Variants in ACTN1 observed in about 807,000 individuals in gnomAD.
ACTN1 encodes alpha-actinin-1.
ACTN1 carries 30 observed loss-of-function variants against 119.6 expected under a neutral mutation model. That is an observed-to-expected ratio of 0.25 (90% CI 0.19 to 0.34). The LOEUF (loss-of-function observed/expected upper bound fraction) is 0.34. ACTN1 is among the 10% of genes least tolerant of loss of function. ACTN1 has a pLI of 1.00. For synonymous variants in ACTN1, 429 were observed against 472.6 expected, an observed-to-expected ratio of 0.91 and a Z score of 1.20; for missense variants, 764 against 1,223.4, an observed-to-expected ratio of 0.62 and a Z score of 5.60.
chr14:68,959,437 T>C (rs893864674), intron 1 of ACTN1, among the ~76,000 whole-genome samples: 1 of 152,236 alleles, frequency 6.6e-6, no homozygotes, highest in African/African-American at 2.4e-5. Context: ...ACTCAGCTTT[T>C]AGTGCTTACA....
intron 1 of ACTN1, among the ~76,000 whole-genome samples, chr14:68,954,049 T>C (rs1468108667): frequency 6.6e-6 from 1 of 152,238 alleles, no homozygotes; most frequent in Non-Finnish European, 1.5e-5. Flanking sequence ...TTACATATTA[T>C]CTTCCTTATT....
intron 11 of ACTN1, among the ~76,000 whole-genome samples, chr14:68,889,752 C>A (rs564527165): frequency 6.6e-6 from 1 of 152,142 alleles, no homozygotes; most frequent in African/African-American, 2.4e-5. Flanking sequence ...CCATTGCATT[C>A]GATCCTGGCA....
intron 1 of ACTN1, among the ~76,000 whole-genome samples, chr14:68,938,731 T>C (rs11851526): frequency 0.02 from 2,984 of 152,296 alleles, 97 homozygotes; most frequent in African/African-American, 0.068. Flanking sequence ...GCCAGCAAGA[T>C]ACCCTGGACA....
In ACTN1 at chr14:68,890,238, C is replaced by T. The variant is rs1391162669; in HGVS notation, c.1135G>A (p.Glu379Lys). 6.2e-7 allele frequency: 1 copy of T among 1,614,230 alleles called. No homozygotes were observed. Among genetic ancestry groups the T allele is most frequent in the African/African-American group, 1.3e-5 (1 of 75,064 alleles). The stretch of plus-strand genomic sequence containing the variant: ...CGGATCTCATTCAGCAACCACTCCT[C>T]ATAGCCCTTCTCCACCTGCTCCAGG... ...GCLEQVEKGY[E>K]EWLLNEIRRL... The change falls in exon 11 of 22, where the codon GAG (glutamate) becomes AAG (lysine). Residue 379 changes from glutamate (E) to lysine (K), a missense_variant. Coordinates refer to ENST00000394419, the MANE Select transcript of ACTN1 (RefSeq NM_001130004.2).
chr14:68,881,955 T>TTTTTTTTTTTTTTGA (rs58500225), intron 16 of ACTN1, among the ~76,000 whole-genome samples: 1,499 of 102,808 alleles, frequency 0.015, 167 homozygotes, highest in African/African-American at 0.022. Context: ...TTTTTTTTTT[T>TTTTTTTTTTTTTTGA]GACAGAGTCT....
At chr14:68,875,350 T>C (rs1219297487) in intron 21 of ACTN1, among the ~76,000 whole-genome samples, 2 of 152,244 alleles carry the variant, frequency 1.3e-5, no homozygotes, top group East Asian at 3.8e-4. Context: ...TATCAGCAGA[T>C]ACTCTGGTGG....
In ACTN1 at chr14:68,909,693, T is replaced by C. The variant is rs576716008; in HGVS notation, c.515+262A>G. The stretch of plus-strand genomic sequence containing the variant: ...TCCAGAGCCCTGGGCTGGGACTTCC[T>C]GGACAATTTCCTTGGGGGCGCTCCC... On this transcript the variant is annotated intron_variant, in intron 5 of 21. Transcript: ENST00000394419. The surrounding 1 kb of genome is among the most constrained non-coding windows in gnomAD (Gnocchi z 4.1). Among the ~76,000 whole-genome samples the C allele has an allele frequency of 5.9e-5, 9 of 152,304 alleles. No individual in the cohort carries two copies. The East Asian group carries it at 1.7e-3, about 29-fold the overall frequency.
intron 1 of ACTN1, among the ~76,000 whole-genome samples, chr14:68,937,854 G>A (rs959633211): frequency 6.6e-6 from 1 of 152,210 alleles, no homozygotes; most frequent in African/African-American, 2.4e-5. Flanking sequence ...TGTGTGGGCG[G>A]GGTGTGTGAA....
chr14:68,892,387 GTC>G, intron 9 of ACTN1, 104 bp from the exon 10 acceptor site: 1 of 1,208,608 alleles, frequency 8.3e-7, no homozygotes, highest in Non-Finnish European at 1.2e-6. Flanking sequence ...TGGGGAAGGG[GTC>G]TCTCCTAATA....
chr14:68,876,719 G>A (rs924289440), intron 21 of ACTN1, among the ~76,000 whole-genome samples: 2 of 152,136 alleles, frequency 1.3e-5, no homozygotes, highest in East Asian at 1.9e-4. Context: ...ATTATAGTCC[G>A]TGCCGATGCG....
At chr14:68,952,900 G>A (rs928333107) in intron 1 of ACTN1, among the ~76,000 whole-genome samples, 3 of 152,114 alleles carry the variant, frequency 2.0e-5, no homozygotes, top group East Asian at 3.9e-4. Context: ...AGCAGGGCAC[G>A]GGCAGATTTG....
chr14:68,888,188 A>G, intron 11 of ACTN1: 2 of 469,670 alleles, frequency 4.3e-6, no homozygotes, highest in Non-Finnish European at 7.9e-6. Flanking sequence ...CACGCCCAGG[A>G]TAGATTCTTT....
intron 1 of ACTN1, among the ~76,000 whole-genome samples, chr14:68,928,685 A>G (rs2035051425): frequency 6.6e-6 from 1 of 152,208 alleles, no homozygotes; most frequent in African/African-American, 2.4e-5. Flanking sequence ...CTTGCCATTT[A>G]GTAAGTGCTC....
intron 2 of ACTN1, among the ~76,000 whole-genome samples, chr14:68,922,705 C>G (rs2034714719): frequency 6.6e-6 from 1 of 152,164 alleles, no homozygotes; most frequent in Non-Finnish European, 1.5e-5. Flanking sequence ...GCCAGTGGTT[C>G]TCAAACGTCA....
At chr14:68,875,199 C>G in intron 21 of ACTN1, 182 bp from the exon 22 acceptor site, 1 of 1,455,072 alleles carries the variant, frequency 6.9e-7, no homozygotes, top group South Asian at 1.4e-5. Context: ...GCATACACAA[C>G]ATGTATTTTT....
chr14:68,900,216 C>T (rs1316241347), intron 8 of ACTN1, among the ~76,000 whole-genome samples: 3 of 152,160 alleles, frequency 2.0e-5, no homozygotes, highest in Non-Finnish European at 4.4e-5. Context: ...CCCAAGGGCA[C>T]TTCTACTGGG....
In ACTN1 at chr14:68,909,347, C is replaced by T. The variant is rs975050223; in HGVS notation, c.565G>A (p.Glu189Lys). 1.9e-6 allele frequency: 3 copies of T among 1,614,040 alleles called. No homozygotes were observed. Among genetic ancestry groups the T allele is most frequent in the Non-Finnish European group, 2.5e-6 (3 of 1,179,996 alleles). The change falls in exon 6 of 22, where the codon GAG becomes AAG. Residue 189 changes from glutamate to lysine, a missense_variant. Physicochemically the swap from Glu to Lys is moderately conservative, Grantham distance 56. This residue lies in a region of ACTN1 where 544 missense variants were observed against 912.0 expected (regional missense o/e 0.60). Coordinates refer to ENST00000394419, the MANE Select transcript of ACTN1 (RefSeq NM_001130004.2). This position sits in a 1 kb window ranked among gnomAD's most constrained non-coding sequence, Gnocchi z 4.1. ...CGCAGCTTCCCGTAGTCAATCAGCT[C>T]GGGCCGGTGTCGGTGGATCAAAGCA... ...FCALIHRHRP[E>K]LIDYGKLRKD...
chr14:68,948,768 C>G (rs1207745864), intron 1 of ACTN1, among the ~76,000 whole-genome samples: 1 of 152,084 alleles, frequency 6.6e-6, no homozygotes, highest in Non-Finnish European at 1.5e-5. Flanking sequence ...TACAGGCTAC[C>G]AGACCAGCCA....
At chr14:68,891,359 C>T (rs118009151) in intron 10 of ACTN1, among the ~76,000 whole-genome samples, 2,517 of 152,228 alleles carry the variant, frequency 0.017, 56 homozygotes, top group Non-Finnish European at 0.017. Context: ...ACATGGAAAG[C>T]TGGTCAGAAT....
Sources: allele counts gnomAD v4.1 joint callset (sites outside exome capture counted in the v4.1 genomes callset), GRCh38; gene constraint gnomAD v4.1.1; regional missense constraint gnomAD v4.1.1; non-coding constraint Gnocchi (gnomAD v3.1); transcripts MANE v1.5; gene names NCBI Gene and HGNC (gene_info 2026-07-23, HGNC 2026-07-21).